The following ATRNL1 variants were observed in gnomAD, a reference collection of about 807,000 sequenced individuals.
The protein encoded by ATRNL1 is attractin-like protein 1.
In ATRNL1, 95 loss-of-function variants were observed where a neutral mutation model predicts 182.7. The observed-to-expected ratio is 0.52, with a 90% CI of 0.44 to 0.62. ATRNL1 has a LOEUF of 0.62. Ranked by LOEUF, ATRNL1 falls within the 20% of genes least tolerant of loss-of-function variation. ATRNL1 has a pLI of 0.00. For missense variants in ATRNL1, 1,471 were observed against 1,679.5 expected, an observed-to-expected ratio of 0.88 and a Z score of 2.17; for synonymous variants, 576 against 568.3, an observed-to-expected ratio of 1.01 and a Z score of -0.19.
intron 8 of ATRNL1, among the ~76,000 whole-genome samples, chr10:115,174,830 T>C (rs928034045): frequency 6.6e-6 from 1 of 151,884 alleles, no homozygotes; most frequent in Admixed American, 6.6e-5. Flanking sequence ...GTAACCCTGA[T>C]CCAACTTAAA....
intron 9 of ATRNL1, among the ~76,000 whole-genome samples, chr10:115,237,554 C>A (rs1170794576): frequency 2.0e-5 from 3 of 152,136 alleles, no homozygotes; most frequent in Non-Finnish European, 4.4e-5. Context: ...CTGTTCAGAT[C>A]TTTTGCCTTT....
At chr10:115,130,661 T>A (rs1333158879) in intron 5 of ATRNL1, among the ~76,000 whole-genome samples, 1 of 152,120 alleles carries the variant, frequency 6.6e-6, no homozygotes, top group Non-Finnish European at 1.5e-5. Flanking sequence ...TTTAAGTGAC[T>A]CTTTTAATCA....
intron 25 of ATRNL1, among the ~76,000 whole-genome samples, chr10:115,522,912 G>T (rs891319556): frequency 6.6e-6 from 1 of 152,170 alleles, no homozygotes; most frequent in South Asian, 2.1e-4. Context: ...TATCTCCCTT[G>T]GTTCCATGTC....
At chr10:115,610,372 ACTGT>A (rs1555018648) in intron 26 of ATRNL1, among the ~76,000 whole-genome samples, 5 of 152,172 alleles carry the variant, frequency 3.3e-5, no homozygotes, top group African/African-American at 4.8e-5. Flanking sequence ...TGCATTGTAG[ACTGT>A]CTATGACTAC....
At chr10:115,320,293 T>C (rs1391673853) in intron 18 of ATRNL1, among the ~76,000 whole-genome samples, 9 of 152,166 alleles carry the variant, frequency 5.9e-5, no homozygotes, top group Non-Finnish European at 1.5e-5. Flanking sequence ...CCTTTGTAGG[T>C]GACCTGGTCT....
At chr10:115,116,893 G>A (rs1844510694) in intron 1 of ATRNL1, among the ~76,000 whole-genome samples, 1 of 151,968 alleles carries the variant, frequency 6.6e-6, no homozygotes, top group Non-Finnish European at 1.5e-5. Flanking sequence ...TTGGGAAATT[G>A]TACTACTGAA....
Position 115,116,073 on chromosome 10 carries a change from G to A in ATRNL1, c.294-4112G>A, listed in dbSNP as rs868988820. Reference sequence around the variant, plus strand: ...AAGGGCCAGATAGTAGATATTTTAGGCTTTGTTGGCCAGATGGTCTCTGTT... The same window carrying A: ...AAGGGCCAGATAGTAGATATTTTAGACTTTGTTGGCCAGATGGTCTCTGTT... On this transcript the variant is annotated intron_variant, in intron 1 of 28. Transcript: ENST00000355044. 2.0e-5 allele frequency among the ~76,000 whole-genome samples: 3 copies of A among 152,216 alleles called. No homozygotes were observed. In the South Asian group the frequency reaches 6.2e-4, roughly 32 times the overall value.
intron 28 of ATRNL1, among the ~76,000 whole-genome samples, chr10:115,861,026 T>C (rs919082668): frequency 1.3e-5 from 2 of 152,120 alleles, no homozygotes; most frequent in Non-Finnish European, 2.9e-5. Context: ...CCAAATATTA[T>C]TGATTCAAGA....
chr10:115,121,213 A>G (rs1303886751), intron 2 of ATRNL1, among the ~76,000 whole-genome samples: 1 of 152,038 alleles, frequency 6.6e-6, no homozygotes, highest in Admixed American at 6.6e-5. Context: ...CCTGAGTTCA[A>G]GCAATTCTCC....
intron 26 of ATRNL1, among the ~76,000 whole-genome samples, chr10:115,562,406 G>T (rs1287320262): frequency 2.0e-5 from 3 of 152,112 alleles, no homozygotes; most frequent in African/African-American, 7.2e-5. Context: ...GGTAATTGTT[G>T]TACAGCTTTA....
intron 26 of ATRNL1, among the ~76,000 whole-genome samples, chr10:115,668,946 T>C (rs1271592888): frequency 6.6e-6 from 1 of 152,120 alleles, no homozygotes. Context: ...CATACTGATT[T>C]CTTGATATTA....
chr10:115,181,138 A>T (rs1847732328), intron 8 of ATRNL1, among the ~76,000 whole-genome samples: 2 of 151,910 alleles, frequency 1.3e-5, no homozygotes, highest in Admixed American at 1.3e-4. Flanking sequence ...GATGGAAAAC[A>T]TTTCCCATAC....
chr10:115,910,772 C>T (rs1952650360), intron 28 of ATRNL1, among the ~76,000 whole-genome samples: 1 of 152,152 alleles, frequency 6.6e-6, no homozygotes, highest in South Asian at 2.1e-4. Context: ...ATAGCAGGGA[C>T]AGGGGCACAC....
intron 1 of ATRNL1, among the ~76,000 whole-genome samples, chr10:115,107,042 T>C (rs1300574498): frequency 6.6e-6 from 1 of 152,286 alleles, no homozygotes; most frequent in East Asian, 1.9e-4. Flanking sequence ...CCCATTCCCC[T>C]GATAATGAAC....
intron 26 of ATRNL1, among the ~76,000 whole-genome samples, chr10:115,714,126 C>T (rs7069993): frequency 0.38 from 56,902 of 151,590 alleles, 11,544 homozygotes; most frequent in East Asian, 0.6. Context: ...TGGATTGCCC[C>T]ATCACTTGTT....
chr10:115,309,226 A>G (rs1853893559), intron 17 of ATRNL1, among the ~76,000 whole-genome samples: 1 of 151,736 alleles, frequency 6.6e-6, no homozygotes, highest in African/African-American at 2.4e-5. Context: ...CAGATTTGTT[A>G]TTTTTACTTA....
At chr10:115,873,844 T>C (rs1951639404) in intron 28 of ATRNL1, among the ~76,000 whole-genome samples, 1 of 152,176 alleles carries the variant, frequency 6.6e-6, no homozygotes, top group Non-Finnish European at 1.5e-5. Flanking sequence ...TTAATTTTAG[T>C]GTTTAGATAG....
rs557796951 is a variant in ATRNL1 at position 115,709,036 on chromosome 10, G to A, written c.3796-18212G>A. ...TTCGTTGACAACAGTGGCATCAGTA[G>A]ACTGAATAATAATTTATGCTATATT... is the stretch of plus-strand genomic sequence containing the variant. On this transcript the variant is annotated intron_variant, in intron 26 of 28. Transcript: ENST00000355044. 2.1e-3 allele frequency among the ~76,000 whole-genome samples: 312 copies of A among 151,890 alleles called. 1 individual carries two copies. Among genetic ancestry groups the A allele is most frequent in the African/African-American group, 7.0e-3 (292 of 41,520 alleles).
chr10:115,159,895 G>A (rs1165234340), intron 5 of ATRNL1, 145 bp from the exon 6 acceptor site: 1 of 593,868 alleles, frequency 1.7e-6, no homozygotes, highest in East Asian at 3.3e-5. Context: ...TATTATTCTT[G>A]TAAGTTATAT....
Sources: gnomAD v4.1 joint callset for allele counts (sites outside exome capture counted in the v4.1 genomes callset) on GRCh38, gnomAD v4.1.1 for gene constraint, MANE v1.5 for transcripts, NCBI Gene and HGNC (gene_info 2026-07-23, HGNC 2026-07-21) for gene names.